CAP2: variants seen among roughly 807,000 people sequenced by gnomAD.
The protein encoded by CAP2 is cyclase associated actin cytoskeleton regulatory protein 2.
Under a neutral mutation model 57.7 loss-of-function variants are expected in CAP2, and 24 were observed. The ratio of observed to expected loss-of-function variants is 0.42; its 90% CI spans 0.30 to 0.58. The LOEUF is 0.58. Ranked by LOEUF, CAP2 falls within the 20% of genes least tolerant of loss-of-function variation. The pLI is 0.22. For missense variants in CAP2, 501 were observed against 590.3 expected (o/e 0.85, Z 1.57); for synonymous variants, 194 against 207.2 (o/e 0.94, Z 0.55).
Position 17,406,398 on chromosome 6 carries a change from C to CTTTTTTTTTTTTTTTTTTTTTTTTTTTT in CAP2, c.-2+12667_-2+12668insTTTTTTTTTTTTTTTTTTTTTTTTTTTT, listed in dbSNP as rs777803474. Among the ~76,000 whole-genome samples, 16 of 102,472 alleles carry CTTTTTTTTTTTTTTTTTTTTTTTTTTTT rather than the reference C, an allele frequency of 1.6e-4. 3 individuals carry two copies. The highest frequency in any genetic ancestry group is 9.4e-4 in the African/African-American group (16 of 17,002). 67.2% of individuals were successfully genotyped at this position (102,472 alleles called of 152,430 possible). A position where few individuals can be genotyped will look rare whatever the true frequency, so the allele number is the denominator to read the frequency against. On this transcript the variant is annotated intron_variant, in intron 1 of 12. Transcript: ENST00000229922. The stretch of plus-strand genomic sequence containing the variant: ...CTTTTCTGTCAGTAAGCCCAGATTT[C>CTTTTTTTTTTTTTTTTTTTTTTTTTTTT]TTTTTTTTTTTTTTTGAGGCAGTCT...
chr6:17,524,897 T>TC (rs201225048), intron 7 of CAP2, among the ~76,000 whole-genome samples: 12 of 103,956 alleles, frequency 1.2e-4, no homozygotes, highest in East Asian at 7.7e-4. Context: ...TCTTTTCTTT[T>TC]TTTTTTTTTT....
At chr6:17,471,977 G>A (rs1336158117) in intron 4 of CAP2, among the ~76,000 whole-genome samples, 1 of 152,168 alleles carries the variant, frequency 6.6e-6, no homozygotes. Flanking sequence ...CTCACTTTAT[G>A]AGCTTTTCCA....
intron 4 of CAP2, among the ~76,000 whole-genome samples, chr6:17,470,192 G>A (rs1581546092): frequency 6.6e-6 from 1 of 152,102 alleles, no homozygotes; most frequent in Admixed American, 6.6e-5. Context: ...GGTATCTACT[G>A]GAGAATTAAC....
chr6:17,454,618 G>T (rs9477432), intron 3 of CAP2, among the ~76,000 whole-genome samples: 17,465 of 152,208 alleles, frequency 0.11, 3,266 homozygotes, highest in African/African-American at 0.39. Flanking sequence ...ATACTTTTGG[G>T]TGGTGATAGT....
intron 7 of CAP2, among the ~76,000 whole-genome samples, chr6:17,524,098 G>A (rs1762448005): frequency 1.4e-5 from 2 of 147,958 alleles, no homozygotes; most frequent in Admixed American, 6.8e-5. Flanking sequence ...AAAAAAAAAG[G>A]AGTAAGAAGT....
intron 1 of CAP2, among the ~76,000 whole-genome samples, chr6:17,408,660 CT>C (rs35571407): frequency 0.012 from 1,448 of 120,420 alleles, 10 homozygotes; most frequent in African/African-American, 0.036. Context: ...TGATAGCCTC[CT>C]TTTTTTTTTT....
chr6:17,516,289 C>A (rs372712516), intron 7 of CAP2, among the ~76,000 whole-genome samples: 1 of 152,200 alleles, frequency 6.6e-6, no homozygotes, highest in African/African-American at 2.4e-5. Context: ...TTGTCTCCAG[C>A]CCCTAGTATA....
At chr6:17,511,280 G>T (rs1010034298) in intron 6 of CAP2, among the ~76,000 whole-genome samples, 2 of 152,016 alleles carry the variant, frequency 1.3e-5, no homozygotes, top group Non-Finnish European at 2.9e-5. Context: ...CCGTGGTGCC[G>T]TCTCTGTGTC....
At chr6:17,396,291 T>C (rs34346695) in intron 1 of CAP2, among the ~76,000 whole-genome samples, 37,942 of 152,074 alleles carry the variant, frequency 0.25, 4,938 homozygotes, top group South Asian at 0.35. Flanking sequence ...GCAATTCCAT[T>C]GTAAATATAT....
At chr6:17,495,084 T>G (rs1021336488) in intron 4 of CAP2, among the ~76,000 whole-genome samples, 22 of 152,192 alleles carry the variant, frequency 1.4e-4, no homozygotes, top group African/African-American at 5.1e-4. Flanking sequence ...TCTTGGGACT[T>G]GTCAGCCTCC....
intron 1 of CAP2, among the ~76,000 whole-genome samples, chr6:17,416,733 T>C (rs1759284953): frequency 6.6e-6 from 1 of 152,188 alleles, no homozygotes; most frequent in African/African-American, 2.4e-5. Flanking sequence ...TTAGCACTTA[T>C]GACACAGAAT....
At chr6:17,424,861 T>C (rs1018527726) in intron 2 of CAP2, among the ~76,000 whole-genome samples, 2 of 152,234 alleles carry the variant, frequency 1.3e-5, no homozygotes, top group Non-Finnish European at 2.9e-5. Flanking sequence ...TTTCTCCCAC[T>C]TTAAATACTC....
intron 1 of CAP2, among the ~76,000 whole-genome samples, chr6:17,417,115 C>T (rs548974367): frequency 1.7e-3 from 256 of 148,626 alleles, no homozygotes; most frequent in African/African-American, 6.1e-3. Flanking sequence ...AAACAAACAA[C>T]CTTGAAAAGT....
At chr6:17,395,258 C>G (rs1758638021) in intron 1 of CAP2, among the ~76,000 whole-genome samples, 1 of 152,112 alleles carries the variant, frequency 6.6e-6, no homozygotes, top group South Asian at 2.1e-4. Flanking sequence ...TTTTGCAGGC[C>G]ATATGGTCTC....
intron 12 of CAP2, among the ~76,000 whole-genome samples, chr6:17,552,785 C>T (rs1157475092): frequency 1.3e-5 from 2 of 152,190 alleles, no homozygotes; most frequent in Non-Finnish European, 2.9e-5. Flanking sequence ...TTGCCAGGGC[C>T]TACACAGCAA....
chr6:17,521,680 C>T (rs1762395727), intron 7 of CAP2, among the ~76,000 whole-genome samples: 1 of 152,100 alleles, frequency 6.6e-6, no homozygotes, highest in African/African-American at 2.4e-5. Context: ...CATGATAGAA[C>T]AGGGGGAGCA....
At chr6:17,482,656 T>C (rs1016543904) in intron 4 of CAP2, among the ~76,000 whole-genome samples, 12 of 152,000 alleles carry the variant, frequency 7.9e-5, no homozygotes, top group African/African-American at 2.2e-4. Context: ...GGCTTGTAAA[T>C]GCATCATACT....
chr6:17,539,175 C>G, intron 7 of CAP2, 94 bp from the exon 8 acceptor site: 1 of 1,166,252 alleles, frequency 8.6e-7, no homozygotes, highest in South Asian at 1.5e-5. Flanking sequence ...CAACCCCACT[C>G]TCTCATTGGC....
intron 11 of CAP2, among the ~76,000 whole-genome samples, chr6:17,544,096 G>A (rs1397985602): frequency 7.2e-6 from 1 of 138,524 alleles, no homozygotes; most frequent in Non-Finnish European, 1.5e-5. Context: ...CTGCACTCCA[G>A]CCTGGGCAAC....
Sources: allele counts gnomAD v4.1 joint callset (sites outside exome capture counted in the v4.1 genomes callset), GRCh38; gene constraint gnomAD v4.1.1; transcripts MANE v1.5; gene names NCBI Gene and HGNC (gene_info 2026-07-23, HGNC 2026-07-21).